Variants in TTLL5 observed in about 807,000 individuals in gnomAD.
TTLL5 encodes tubulin polyglutamylase TTLL5.
In TTLL5, 132 loss-of-function variants were observed where a neutral mutation model predicts 168.4. The ratio of observed to expected loss-of-function variants is 0.78; its 90% CI spans 0.68 to 0.91. TTLL5 has a LOEUF of 0.91. TTLL5 is among the 40% of genes least tolerant of loss of function. TTLL5 has a pLI of 0.00. For missense variants in TTLL5, 1,545 were observed against 1,581.5 expected, an observed-to-expected ratio of 0.98 and a Z score of 0.39; for synonymous variants, 546 against 558.6, an observed-to-expected ratio of 0.98 and a Z score of 0.32.
At chr14:75,886,101 G>A (rs2032104852) in intron 30 of TTLL5, among the ~76,000 whole-genome samples, 1 of 152,204 alleles carries the variant, frequency 6.6e-6, no homozygotes, top group African/African-American at 2.4e-5. Flanking sequence ...ATGAGAAGTT[G>A]TAATGAGCTT....
intron 22 of TTLL5, 87 bp downstream of exon 22, chr14:75,775,717 G>T (rs1310317878): frequency 6.7e-6 from 10 of 1,494,614 alleles, no homozygotes; most frequent in Non-Finnish European, 9.1e-6. Context: ...CAACTGGATG[G>T]AGACACTCTT....
At chr14:75,899,938 C>CTT (rs34675657) in intron 30 of TTLL5, among the ~76,000 whole-genome samples, 3 of 144,116 alleles carry the variant, frequency 2.1e-5, no homozygotes, top group Admixed American at 6.9e-5. Context: ...GGCTTCTTCC[C>CTT]TTTTTTTTTT....
intron 3 of TTLL5, among the ~76,000 whole-genome samples, chr14:75,681,071 A>T (rs1041268381): frequency 2.0e-5 from 3 of 152,220 alleles, no homozygotes; most frequent in African/African-American, 7.2e-5. Context: ...ATTGAAATAT[A>T]GTAATCAGAA....
intron 5 of TTLL5, among the ~76,000 whole-genome samples, chr14:75,685,953 C>T (rs1054633834): frequency 2.6e-5 from 4 of 152,112 alleles, no homozygotes; most frequent in Non-Finnish European, 5.9e-5. Flanking sequence ...AGAGGTGAGA[C>T]CCAGGAACAT....
At chr14:75,944,224 A>G (rs1286691041) in intron 31 of TTLL5, among the ~76,000 whole-genome samples, 2 of 152,182 alleles carry the variant, frequency 1.3e-5, no homozygotes, top group Non-Finnish European at 2.9e-5. Flanking sequence ...TTTTGGTGCC[A>G]TGTGACTTGG....
At chr14:75,696,574 A>C (rs1885890893) in intron 6 of TTLL5, among the ~76,000 whole-genome samples, 1 of 152,234 alleles carries the variant, frequency 6.6e-6, no homozygotes, top group Non-Finnish European at 1.5e-5. Flanking sequence ...TTTTTGTCAT[A>C]TATAACTATA....
intron 21 of TTLL5, among the ~76,000 whole-genome samples, chr14:75,775,027 C>CT (rs539261075): frequency 1.9e-3 from 263 of 141,068 alleles, no homozygotes; most frequent in South Asian, 7.4e-3. Flanking sequence ...GTGTTTCTAA[C>CT]TTTTTTTTTT....
At chr14:75,667,749 A>ATGTTTT (rs1883373376) in intron 2 of TTLL5, among the ~76,000 whole-genome samples, 1 of 67,870 alleles carries the variant, frequency 1.5e-5, no homozygotes. Flanking sequence ...GGATCTTTTT[A>ATGTTTT]TGTTTTTTTT....
chr14:75,860,680 A>C (rs575094346), intron 28 of TTLL5, among the ~76,000 whole-genome samples: 3 of 151,464 alleles, frequency 2.0e-5, no homozygotes, highest in Non-Finnish European at 4.4e-5. Flanking sequence ...CTTTGTATTC[A>C]TTTGTTCACT....
chr14:75,862,619 A>G (rs1394785204), intron 28 of TTLL5, among the ~76,000 whole-genome samples: 7 of 152,200 alleles, frequency 4.6e-5, no homozygotes, highest in Non-Finnish European at 2.9e-5. Flanking sequence ...GACTTCTGCT[A>G]GGAAGTACAC....
intron 13 of TTLL5, 119 bp from the exon 14 acceptor site, chr14:75,733,870 T>G: frequency 8.9e-6 from 8 of 894,838 alleles, no homozygotes; most frequent in East Asian, 2.5e-5. Context: ...TTTTATGGGC[T>G]TTATGTGTTG....
At chr14:75,841,082 C>T (rs1345038321) in intron 28 of TTLL5, among the ~76,000 whole-genome samples, 1 of 152,220 alleles carries the variant, frequency 6.6e-6, no homozygotes, top group Non-Finnish European at 1.5e-5. Context: ...CAAGCGCTCA[C>T]TCATCACCAA....
rs1887577946 is a variant in TTLL5, at chr14:75,717,920, T to A, written c.800T>A (p.Leu267Gln). 6.2e-7 allele frequency: 1 copy of A among 1,613,730 alleles called. No homozygotes were observed. Among genetic ancestry groups the A allele is most frequent in the African/African-American group, 1.3e-5 (1 of 74,920 alleles). Residue 267 changes from leucine to glutamine, a missense_variant, in exon 10 of 32, where the codon CTG (leucine) becomes CAG (glutamine). By Grantham distance (113) the Leu-to-Gln change is moderately radical. Transcript: ENST00000298832. ...AACATTCGGAACCAGTTCATGCATC[T>A]GACAAACTACAGTGTCAACAAGAAA... ...AKNIRNQFMHLTNYSVNKKSG... is the reference protein window; with the variant it reads ...AKNIRNQFMHQTNYSVNKKSG...
At chr14:75,768,758 A>G (rs1265735945) in intron 20 of TTLL5, among the ~76,000 whole-genome samples, 1 of 152,240 alleles carries the variant, frequency 6.6e-6, no homozygotes, top group Non-Finnish European at 1.5e-5. Context: ...ATTAGAGGCC[A>G]GTTCTTATAC....
chr14:75,941,062 GATGCCTGC>G (rs1303585213), intron 31 of TTLL5, among the ~76,000 whole-genome samples: 1 of 152,220 alleles, frequency 6.6e-6, no homozygotes, highest in Non-Finnish European at 1.5e-5. Context: ...AACTGAACCA[GATGCCTGC>G]ATTACTCATG....
intron 2 of TTLL5, among the ~76,000 whole-genome samples, chr14:75,667,728 A>G (rs994901177): frequency 2.5e-4 from 36 of 141,322 alleles, no homozygotes; most frequent in Non-Finnish European, 4.9e-4. Context: ...CAGACTGTGC[A>G]TTCAGAGTGT....
chr14:75,768,774 G>A (rs931267201), intron 20 of TTLL5, among the ~76,000 whole-genome samples: 1 of 152,176 alleles, frequency 6.6e-6, no homozygotes, highest in African/African-American at 2.4e-5. Flanking sequence ...TATACTGAAA[G>A]GCTGGAGGGT....
intron 28 of TTLL5, among the ~76,000 whole-genome samples, chr14:75,824,465 A>G (rs1016020857): frequency 3.9e-5 from 6 of 152,000 alleles, no homozygotes; most frequent in Admixed American, 6.5e-5. Flanking sequence ...TCGTATGCTC[A>G]GTGAAGCCAG....
intron 9 of TTLL5, among the ~76,000 whole-genome samples, chr14:75,713,181 A>G (rs1350816827): frequency 6.6e-6 from 1 of 152,248 alleles, no homozygotes; most frequent in East Asian, 1.9e-4. Flanking sequence ...AGGACCACAT[A>G]TACTATGGTA....
Sources: gnomAD v4.1 joint callset for allele counts (sites outside exome capture counted in the v4.1 genomes callset) on GRCh38, gnomAD v4.1.1 for gene constraint, MANE v1.5 for transcripts, NCBI Gene and HGNC (gene_info 2026-07-23, HGNC 2026-07-21) for gene names.